The following FUT8 variants were observed in gnomAD, a reference collection of about 807,000 sequenced individuals.
The protein encoded by FUT8 is alpha-(1,6)-fucosyltransferase.
A neutral mutation model predicts 71.3 loss-of-function variants in FUT8; 29 were observed. That is an observed-to-expected ratio of 0.41 (90% confidence interval 0.30 to 0.55). FUT8 has a LOEUF of 0.55. Ranked by LOEUF, FUT8 falls within the 20% of genes least tolerant of loss-of-function variation. The pLI is 0.34. For synonymous variants in FUT8, 254 were observed against 239.3 expected (o/e 1.06, Z -0.57); for missense variants, 544 against 702.1 (o/e 0.77, Z 2.55).
Position 65,608,033 on chromosome 14 carries a change from C to G in FUT8, c.204-7945C>G, listed in dbSNP as rs1312381351. On this transcript the variant is annotated intron_variant, in intron 3 of 10. Coordinates refer to ENST00000673929, the MANE Select transcript of FUT8 (RefSeq NM_001371533.1). ...TGAGCCGAGATTGTGCCACTGCACT[C>G]CAGCCTGGCAACAAAGCTAGACTCC... Among the ~76,000 whole-genome samples, 14 of 142,768 alleles carry G rather than the reference C, an allele frequency of 9.8e-5. 1 individual carries two copies. The highest frequency in any genetic ancestry group is 2.7e-4 in the African/African-American group (10 of 37,642). 93.7% of individuals were successfully genotyped at this position (142,768 alleles called of 152,430 possible).
intron 3 of FUT8, among the ~76,000 whole-genome samples, chr14:65,576,600 C>T (rs1886786123): frequency 6.6e-6 from 1 of 150,504 alleles, no homozygotes; most frequent in South Asian, 2.1e-4. Flanking sequence ...GCAATCATGG[C>T]TCACTGCAGC....
At chr14:65,484,342 T>C (rs976099405) in intron 2 of FUT8, among the ~76,000 whole-genome samples, 1 of 152,236 alleles carries the variant, frequency 6.6e-6, no homozygotes, top group African/African-American at 2.4e-5. Flanking sequence ...AAAGCATCTA[T>C]TCTCTCACAA....
intron 1 of FUT8, among the ~76,000 whole-genome samples, chr14:65,438,136 C>T (rs994035300): frequency 1.3e-5 from 2 of 152,154 alleles, no homozygotes; most frequent in Admixed American, 1.3e-4. Context: ...TTTCCTCTCT[C>T]AAGTAAGAAT....
intron 6 of FUT8, among the ~76,000 whole-genome samples, chr14:65,659,173 G>A (rs1012727237): frequency 1.3e-5 from 2 of 151,638 alleles, no homozygotes; most frequent in Non-Finnish European, 2.9e-5. Flanking sequence ...TGATCTTGAG[G>A]TGTTTTTTGT....
chr14:65,381,171 T>C, the FUT8 span, among the ~76,000 whole-genome samples: 4 of 152,358 alleles, frequency 2.6e-5, no homozygotes, highest in African/African-American at 9.6e-5. Flanking sequence ...ACTATCTTTT[T>C]GAAGCCCCAT....
chr14:65,454,443 A>G (rs531197056), intron 1 of FUT8, among the ~76,000 whole-genome samples: 1 of 152,322 alleles, frequency 6.6e-6, no homozygotes, highest in South Asian at 2.1e-4. Context: ...CCTGGGCAAC[A>G]TAGCGAGACC....
chr14:65,425,918 A>T (rs2065378674), intron 1 of FUT8, among the ~76,000 whole-genome samples: 1 of 151,980 alleles, frequency 6.6e-6, no homozygotes, highest in Non-Finnish European at 1.5e-5. Context: ...CGGAGGTTGC[A>T]GTGAGCTGAG....
chr14:65,472,841 T>C lies in FUT8; in HGVS notation c.-228+17123T>C. On this transcript the variant is annotated intron_variant, in intron 2 of 10. Coordinates refer to ENST00000673929, the MANE Select transcript of FUT8 (RefSeq NM_001371533.1). This position sits in a 1 kb window ranked among gnomAD's most constrained non-coding sequence, Gnocchi z 4.4. The stretch of plus-strand genomic sequence containing the variant: ...ATGGTAAAAAACTTAGTTCATATAA[T>C]GAATTTAGTGCTCAAATATCTTAGT... Among the ~76,000 whole-genome samples the C allele has an allele frequency of 6.6e-6, 1 of 152,182 alleles. No individual in the cohort carries two copies. The highest frequency in any genetic ancestry group is 1.9e-4 in the East Asian group (1 of 5,204).
the FUT8 span, among the ~76,000 whole-genome samples, chr14:65,368,139 C>T: frequency 5.3e-5 from 8 of 150,536 alleles, no homozygotes; most frequent in Non-Finnish European, 8.8e-5. Context: ...CTGCAAGCTC[C>T]GCCTCCCGGG....
chr14:65,436,519 C>T (rs1026149992), intron 1 of FUT8, among the ~76,000 whole-genome samples: 2 of 151,270 alleles, frequency 1.3e-5, no homozygotes, highest in African/African-American at 2.4e-5. Context: ...AGTCCAGCTA[C>T]TGGGGAGGCT....
In FUT8 at chr14:65,652,671, A is replaced by AGTCTTAAC. The variant is rs1031170233; in HGVS notation, c.598-16571_598-16564dup. Among the ~76,000 whole-genome samples, 6 of 152,024 alleles carry AGTCTTAAC rather than the reference A, an allele frequency of 3.9e-5. No individual in the cohort carries two copies. The highest frequency in any genetic ancestry group is 1.5e-4 in the African/African-American group (6 of 41,372). Reference sequence around the variant, plus strand: ...TTTTTTTTTAAATACAACCAAAAGCAGTCTTAACTGATGCACAAGCCAGGT... The same window carrying AGTCTTAAC: ...TTTTTTTTTAAATACAACCAAAAGCAGTCTTAACGTCTTAACTGATGCACAAGCCAGGT... On this transcript the variant is annotated intron_variant, in intron 6 of 10. Transcript: ENST00000673929. The surrounding 1 kb of genome is among the most constrained non-coding windows in gnomAD (Gnocchi z 4.0).
chr14:65,374,518 T>C, the FUT8 span, among the ~76,000 whole-genome samples: 1 of 152,222 alleles, frequency 6.6e-6, no homozygotes, highest in Non-Finnish European at 1.5e-5. Context: ...TTTGGCACTA[T>C]TGGTTCCTCA....
At chr14:65,731,283 A>G (rs1225387972) in intron 9 of FUT8, among the ~76,000 whole-genome samples, 1 of 152,206 alleles carries the variant, frequency 6.6e-6, no homozygotes, top group East Asian at 1.9e-4. Context: ...TCACAAAGAG[A>G]AGTATCTCCC....
At chr14:65,374,075 G>A in the FUT8 span, among the ~76,000 whole-genome samples, 1 of 152,198 alleles carries the variant, frequency 6.6e-6, no homozygotes, top group Non-Finnish European at 1.5e-5. Context: ...GTCTTTCTGG[G>A]ATTCTCAGAC....
At chr14:65,702,392 C>T (rs575992510) in intron 7 of FUT8, among the ~76,000 whole-genome samples, 3 of 150,922 alleles carry the variant, frequency 2.0e-5, no homozygotes, top group South Asian at 2.1e-4. Context: ...CACAACTTTG[C>T]GGATTAATTG....
chr14:65,572,064 C>T (rs1206931267), intron 3 of FUT8, among the ~76,000 whole-genome samples: 1 of 152,106 alleles, frequency 6.6e-6, no homozygotes, highest in African/African-American at 2.4e-5. Context: ...TGTATAGGCA[C>T]AGTGAATGGC....
At chr14:65,601,830 A>AT (rs1888302970) in intron 3 of FUT8, among the ~76,000 whole-genome samples, 1 of 152,182 alleles carries the variant, frequency 6.6e-6, no homozygotes, top group South Asian at 2.1e-4. Flanking sequence ...TACTTCAAAT[A>AT]TATATGTAAA....
At chr14:65,476,959 A>G (rs977172049) in intron 2 of FUT8, among the ~76,000 whole-genome samples, 7 of 152,226 alleles carry the variant, frequency 4.6e-5, no homozygotes, top group Non-Finnish European at 1.0e-4. Flanking sequence ...TAAATTATAT[A>G]CTGGATGATT....
chr14:65,609,164 G>A (rs533370018), intron 3 of FUT8, among the ~76,000 whole-genome samples: 42 of 151,632 alleles, frequency 2.8e-4, no homozygotes, highest in African/African-American at 6.5e-4. Context: ...GTGTGGTGGC[G>A]CGCTCCTGTA....
Sources: allele counts gnomAD v4.1 joint callset (sites outside exome capture counted in the v4.1 genomes callset), GRCh38; gene constraint gnomAD v4.1.1; non-coding constraint Gnocchi (gnomAD v3.1); transcripts MANE v1.5; gene names NCBI Gene and HGNC (gene_info 2026-07-23, HGNC 2026-07-21).